The following CA10 variants were observed in gnomAD, a reference collection of about 807,000 sequenced individuals.
CA10 encodes the protein carbonic anhydrase-related protein 10.
In CA10, 14 loss-of-function variants were observed where a neutral mutation model predicts 44.2. The observed-to-expected ratio is 0.32, with a 90% confidence interval of 0.21 to 0.50. The LOEUF (loss-of-function observed/expected upper bound fraction) is 0.50. Among genes scored for constraint, CA10 ranks in the 20% least tolerant of loss-of-function variants. The pLI is 0.99. For synonymous variants in CA10, 159 were observed against 141.6 expected (o/e 1.12, Z -0.87); for missense variants, 350 against 409.7 (o/e 0.85, Z 1.26).
chr17:51,767,428 C>T (rs80226768), intron 3 of CA10, among the ~76,000 whole-genome samples: 9,161 of 152,186 alleles, frequency 0.06, 883 homozygotes, highest in African/African-American at 0.2. Flanking sequence ...CCATATATCC[C>T]TCACCCAGCT....
At chr17:52,023,913 CTT>C (rs1986221685) in intron 2 of CA10, among the ~76,000 whole-genome samples, 1 of 151,936 alleles carries the variant, frequency 6.6e-6, no homozygotes, top group Admixed American at 6.6e-5. Flanking sequence ...TTACTTTTAT[CTT>C]TTAACAGTTT....
chr17:51,639,652 CCCCACTGTGTT>C (rs1913001282), intron 6 of CA10, among the ~76,000 whole-genome samples: 1 of 152,212 alleles, frequency 6.6e-6, no homozygotes, highest in Non-Finnish European at 1.5e-5. Flanking sequence ...CATTTTCACT[CCCCACTGTGTT>C]CCTTCTGCAA....
At chr17:51,820,154 A>G (rs1482468229) in intron 3 of CA10, among the ~76,000 whole-genome samples, 1 of 150,630 alleles carries the variant, frequency 6.6e-6, no homozygotes, top group Non-Finnish European at 1.5e-5. Context: ...GAACCCAAGA[A>G]GTCTGACTCC....
chr17:51,949,595 A>G (rs1406539709), intron 2 of CA10, among the ~76,000 whole-genome samples: 2 of 152,192 alleles, frequency 1.3e-5, no homozygotes, highest in East Asian at 3.9e-4. Flanking sequence ...CACTGTGGCC[A>G]AGATTCCACG....
intron 2 of CA10, among the ~76,000 whole-genome samples, chr17:52,021,761 G>T (rs1986147201): frequency 1.3e-5 from 2 of 152,042 alleles, no homozygotes; most frequent in African/African-American, 4.8e-5. Flanking sequence ...GTTACTCAGA[G>T]ATTATTATGA....
intron 4 of CA10, among the ~76,000 whole-genome samples, chr17:51,734,932 T>C (rs1047229559): frequency 2.5e-4 from 38 of 152,194 alleles, no homozygotes; most frequent in African/African-American, 8.9e-4. Flanking sequence ...GGAGGAATGC[T>C]GTGTCATCCC....
At chr17:52,015,836 G>A (rs1488876625) in intron 2 of CA10, among the ~76,000 whole-genome samples, 1 of 152,124 alleles carries the variant, frequency 6.6e-6, no homozygotes, top group African/African-American at 2.4e-5. Flanking sequence ...GCTACATGTT[G>A]TTGGCATAGG....
At chr17:52,066,598 C>T (rs1987544114) in intron 2 of CA10, among the ~76,000 whole-genome samples, 2 of 152,212 alleles carry the variant, frequency 1.3e-5, no homozygotes, top group South Asian at 4.1e-4. Context: ...TTCTCCTTCA[C>T]CTTCAGCCAT....
At chr17:51,982,788 T>G (rs1371491824) in intron 2 of CA10, among the ~76,000 whole-genome samples, 1 of 151,884 alleles carries the variant, frequency 6.6e-6, no homozygotes, top group Non-Finnish European at 1.5e-5. Context: ...TTTACAGGAC[T>G]AGGAGCTCAT....
intron 3 of CA10, among the ~76,000 whole-genome samples, chr17:51,912,995 C>G (rs899006144): frequency 3.9e-5 from 6 of 152,180 alleles, no homozygotes; most frequent in African/African-American, 1.4e-4. Flanking sequence ...GGAGGAAAAG[C>G]TCAACCCAGT....
At chr17:52,095,931 G>A (rs1217370666) in intron 1 of CA10, among the ~76,000 whole-genome samples, 1 of 152,112 alleles carries the variant, frequency 6.6e-6, no homozygotes, top group Non-Finnish European at 1.5e-5. Context: ...TGGTATAAAA[G>A]GAGAGTAATA....
At chr17:51,806,883 G>T (rs1246874577) in intron 3 of CA10, among the ~76,000 whole-genome samples, 1 of 152,220 alleles carries the variant, frequency 6.6e-6, no homozygotes, top group Admixed American at 6.5e-5. Flanking sequence ...GTTATGTGGT[G>T]CTGGCTAGTA....
At chr17:51,666,732 C>T (rs1244817156) in intron 4 of CA10, among the ~76,000 whole-genome samples, 1 of 152,062 alleles carries the variant, frequency 6.6e-6, no homozygotes, top group Non-Finnish European at 1.5e-5. Context: ...TTTAACTATA[C>T]AAGGCACCAC....
intron 2 of CA10, among the ~76,000 whole-genome samples, chr17:51,949,136 C>A (rs978301673): frequency 3.3e-5 from 5 of 152,094 alleles, no homozygotes; most frequent in Admixed American, 1.3e-4. Flanking sequence ...ATTGGGGCAG[C>A]AGGATTTTTC....
chr17:51,903,994 T>C (rs914693509), intron 3 of CA10, among the ~76,000 whole-genome samples: 1 of 151,778 alleles, frequency 6.6e-6, no homozygotes, highest in Non-Finnish European at 1.5e-5. Context: ...AAACGTATGG[T>C]CTGGTGTGCA....
intron 3 of CA10, among the ~76,000 whole-genome samples, chr17:51,843,209 G>A (rs955761596): frequency 3.9e-5 from 6 of 152,172 alleles, no homozygotes; most frequent in Non-Finnish European, 7.4e-5. Context: ...TTCTGAATGG[G>A]TAAAGTCGGA....
chr17:51,781,055 G>A (rs1411102868), intron 3 of CA10, among the ~76,000 whole-genome samples: 1 of 152,170 alleles, frequency 6.6e-6, no homozygotes, highest in Non-Finnish European at 1.5e-5. Flanking sequence ...AGTAGTTCAG[G>A]ATGGTTGGAG....
intron 3 of CA10, among the ~76,000 whole-genome samples, chr17:51,872,582 T>C (rs1041759658): frequency 1.4e-4 from 21 of 152,182 alleles, no homozygotes; most frequent in Admixed American, 3.3e-4. Flanking sequence ...GAACTCCAAA[T>C]GTAGAAAGGA....
At chr17:51,906,418 C>G (rs903796573) in intron 3 of CA10, among the ~76,000 whole-genome samples, 1 of 152,018 alleles carries the variant, frequency 6.6e-6, no homozygotes, top group Non-Finnish European at 1.5e-5. Context: ...CTGGATGTCC[C>G]TCCTTTCTCA....
Sources: gnomAD v4.1 joint callset for allele counts (sites outside exome capture counted in the v4.1 genomes callset) on GRCh38, gnomAD v4.1.1 for gene constraint, MANE v1.5 for transcripts, NCBI Gene and HGNC (gene_info 2026-07-23, HGNC 2026-07-21) for gene names.